The following TMEM117 variants were observed in gnomAD, a reference collection of about 807,000 sequenced individuals.
TMEM117 encodes transmembrane protein 117.
Under a neutral mutation model 52.4 loss-of-function variants are expected in TMEM117, and 27 were observed. That is an observed-to-expected ratio of 0.51 (90% CI 0.38 to 0.71). The LOEUF is 0.71. Ranked by LOEUF, TMEM117 falls within the 30% of genes least tolerant of loss-of-function variation. The pLI, the probability that TMEM117 is intolerant of heterozygous loss-of-function variation, is 0.00. For synonymous variants in TMEM117, 215 were observed against 206.3 expected (o/e 1.04, Z -0.36); for missense variants, 556 against 630.5 (o/e 0.88, Z 1.26).
At chr12:43,802,193 T>G in the TMEM117 span, 1 of 804,426 alleles carries the variant, frequency 1.2e-6, no homozygotes, top group Non-Finnish European at 1.9e-6. Flanking sequence ...CTATGGGAAA[T>G]AATTATTGTT....
intron 6 of TMEM117, among the ~76,000 whole-genome samples, chr12:44,357,124 T>C (rs1486058295): frequency 6.6e-6 from 1 of 152,146 alleles, no homozygotes; most frequent in Non-Finnish European, 1.5e-5. Flanking sequence ...TAAAATGTCT[T>C]CAGTTGGCAA....
At chr12:44,390,595 A>C (rs900169573), downstream of TMEM117, among the ~76,000 whole-genome samples, 1 of 152,024 alleles carries the variant, frequency 6.6e-6, no homozygotes, top group African/African-American at 2.4e-5. Context: ...ACTTAGAACA[A>C]CATGTTTATG....
At chr12:44,078,623 C>G (rs1947421597) in intron 3 of TMEM117, among the ~76,000 whole-genome samples, 1 of 152,058 alleles carries the variant, frequency 6.6e-6, no homozygotes, top group Non-Finnish European at 1.5e-5. Flanking sequence ...CCTGAGGATA[C>G]TCAGTTTAAT....
intron 4 of TMEM117, among the ~76,000 whole-genome samples, chr12:44,144,971 C>T (rs1948621990): frequency 6.6e-6 from 1 of 152,090 alleles, no homozygotes; most frequent in South Asian, 2.1e-4. Flanking sequence ...TCCTGGCTAA[C>T]ACGGTGAAAC....
chr12:44,196,450 T>C (rs1949422349), intron 4 of TMEM117, among the ~76,000 whole-genome samples: 1 of 152,144 alleles, frequency 6.6e-6, no homozygotes. Context: ...TGTAACCATA[T>C]GCTTCAATAC....
chr12:44,075,163 T>C (rs972535740), intron 3 of TMEM117, among the ~76,000 whole-genome samples: 1 of 152,234 alleles, frequency 6.6e-6, no homozygotes, highest in Non-Finnish European at 1.5e-5. Flanking sequence ...ACCTTAAACC[T>C]GAGCTATGCT....
At chr12:44,141,030 A>G (rs1948563781) in intron 3 of TMEM117, among the ~76,000 whole-genome samples, 1 of 151,972 alleles carries the variant, frequency 6.6e-6, no homozygotes, top group South Asian at 2.1e-4. Context: ...CACAGTTCTA[A>G]CTTTCCACAG....
intron 3 of TMEM117, among the ~76,000 whole-genome samples, chr12:44,054,877 G>A (rs1432281008): frequency 2.0e-5 from 3 of 151,804 alleles, no homozygotes; most frequent in Non-Finnish European, 4.4e-5. Context: ...GTCTCCTAAT[G>A]CTATCCCTCC....
intron 4 of TMEM117, among the ~76,000 whole-genome samples, chr12:44,205,630 A>G (rs887066418): frequency 6.6e-6 from 1 of 152,230 alleles, no homozygotes; most frequent in Non-Finnish European, 1.5e-5. Context: ...TCAAAGGAAG[A>G]CATACACATG....
chr12:44,183,856 C>T (rs1949239619), intron 4 of TMEM117, among the ~76,000 whole-genome samples: 1 of 152,154 alleles, frequency 6.6e-6, no homozygotes, highest in South Asian at 2.1e-4. Context: ...CATTGATTGA[C>T]TACTTCCCTC....
intron 6 of TMEM117, among the ~76,000 whole-genome samples, chr12:44,355,515 C>T (rs569202649): frequency 7.9e-5 from 12 of 152,080 alleles, no homozygotes; most frequent in East Asian, 1.9e-4. Flanking sequence ...ATTTGCATGA[C>T]GGACTGAAGA....
intron 3 of TMEM117, among the ~76,000 whole-genome samples, chr12:44,000,671 G>A (rs1336202234): frequency 1.3e-5 from 2 of 152,160 alleles, no homozygotes; most frequent in Non-Finnish European, 2.9e-5. Flanking sequence ...CCTCCAGAAT[G>A]AAGCAAGGGC....
intron 6 of TMEM117, among the ~76,000 whole-genome samples, chr12:44,376,012 C>T (rs890260056): frequency 6.6e-6 from 1 of 152,170 alleles, no homozygotes; most frequent in Admixed American, 6.5e-5. Context: ...GCTACCATGT[C>T]AGGTCTTCCA....
intron 6 of TMEM117, among the ~76,000 whole-genome samples, chr12:44,343,447 T>C (rs993949888): frequency 5.3e-5 from 8 of 152,066 alleles, no homozygotes; most frequent in African/African-American, 1.9e-4. Flanking sequence ...ACATCAAAAG[T>C]TAAATAATGC....
At chr12:44,151,015 T>C (rs1592560073) in intron 4 of TMEM117, among the ~76,000 whole-genome samples, 2 of 152,236 alleles carry the variant, frequency 1.3e-5, no homozygotes, top group East Asian at 3.9e-4. Flanking sequence ...TTTATATTCA[T>C]TTATTAAAAA....
chr12:43,820,721 T>A, the TMEM117 span, among the ~76,000 whole-genome samples: 27 of 152,196 alleles, frequency 1.8e-4, no homozygotes, highest in Non-Finnish European at 3.2e-4. Context: ...GGAAGGGCAC[T>A]GCTTACTCAC....
the TMEM117 span, among the ~76,000 whole-genome samples, chr12:43,821,367 A>G: frequency 2.6e-5 from 4 of 152,094 alleles, no homozygotes; most frequent in African/African-American, 4.8e-5. Flanking sequence ...TGCAGCCTCA[A>G]CCTCTTGGGC....
At chr12:44,210,264 G>A (rs7961986) in intron 4 of TMEM117, among the ~76,000 whole-genome samples, 14,811 of 152,048 alleles carry the variant, frequency 0.097, 2,222 homozygotes, top group African/African-American at 0.33. Flanking sequence ...ATGTGCATGT[G>A]TATAACATAC....
At chr12:43,808,789 A>C in the TMEM117 span, among the ~76,000 whole-genome samples, 1 of 142,812 alleles carries the variant, frequency 7.0e-6, no homozygotes. Flanking sequence ...CAGCCTGGGC[A>C]ACAGACCCTG....
Sources: allele counts gnomAD v4.1 joint callset (sites outside exome capture counted in the v4.1 genomes callset), GRCh38; gene constraint gnomAD v4.1.1; transcripts MANE v1.5; gene names NCBI Gene and HGNC (gene_info 2026-07-23, HGNC 2026-07-21).